The following GHR variants were observed in gnomAD, a reference collection of about 807,000 sequenced individuals.
GHR encodes the protein GH receptor.
GHR carries 35 observed loss-of-function variants against 67.1 expected under a neutral mutation model. The observed-to-expected ratio is 0.52, with a 90% confidence interval of 0.40 to 0.69. The LOEUF (loss-of-function observed/expected upper bound fraction) is 0.69, where lower values mean the gene tolerates loss of function less well. GHR is among the 30% of genes least tolerant of loss of function. The pLI is 0.00. For missense variants in GHR, 792 were observed against 764.6 expected (o/e 1.04, Z -0.42); for synonymous variants, 272 against 269.1 (o/e 1.01, Z -0.10).
intron 1 of GHR, among the ~76,000 whole-genome samples, chr5:42,505,451 CAAA>C (rs1310841219): frequency 7.1e-6 from 1 of 139,964 alleles, no homozygotes; most frequent in African/African-American, 2.6e-5. Flanking sequence ...CATGCATGTT[CAAA>C]AAAAAAAATA....
intron 1 of GHR, among the ~76,000 whole-genome samples, chr5:42,460,218 C>T (rs987678379): frequency 3.9e-5 from 6 of 152,150 alleles, no homozygotes; most frequent in African/African-American, 1.2e-4. Context: ...GTGGACTTCC[C>T]GACCTCCAGA....
At chr5:42,563,722 C>A (rs1265339736) in intron 1 of GHR, among the ~76,000 whole-genome samples, 2 of 150,712 alleles carry the variant, frequency 1.3e-5, no homozygotes, top group South Asian at 2.1e-4. Flanking sequence ...GCAGGAGAAT[C>A]GCTTAAACCT....
At chr5:42,434,878 A>G (rs1331837984) in intron 1 of GHR, among the ~76,000 whole-genome samples, 1 of 152,220 alleles carries the variant, frequency 6.6e-6, no homozygotes, top group Non-Finnish European at 1.5e-5. Flanking sequence ...TGGAAAGGGC[A>G]TGGAGTAGGC....
At chr5:42,574,283 G>A (rs1262764256) in intron 2 of GHR, among the ~76,000 whole-genome samples, 2 of 152,206 alleles carry the variant, frequency 1.3e-5, no homozygotes, top group Non-Finnish European at 2.9e-5. Context: ...GCTAGGAGTA[G>A]AATATAGAAA....
intron 3 of GHR, among the ~76,000 whole-genome samples, chr5:42,680,557 G>A (rs962756500): frequency 6.6e-6 from 1 of 151,392 alleles, no homozygotes; most frequent in African/African-American, 2.4e-5. Flanking sequence ...AGGCTGGGGT[G>A]CAGTGACACG....
rs730880281 is a variant in GHR, at chr5:42,711,206, G to T, written c.619-1G>T. 3 of 1,611,892 alleles carry T rather than the reference G, an allele frequency of 1.9e-6. No individual in the cohort carries two copies. Among genetic ancestry groups the T allele is most frequent in the Non-Finnish European group, 2.5e-6 (3 of 1,178,064 alleles). On this transcript the variant is annotated splice_acceptor_variant, in intron 6 of 9. Transcript: ENST00000230882. LOFTEE classifies it high-confidence loss of function. ...TATGCGTTTATATTTTGTCTTGAAA[G>T]ATGGACCCTATATTGACAACATCAG...
At chr5:42,434,992 C>T (rs1000983975) in intron 1 of GHR, among the ~76,000 whole-genome samples, 2 of 152,116 alleles carry the variant, frequency 1.3e-5, no homozygotes, top group East Asian at 1.9e-4. Flanking sequence ...TGAGCTTTAT[C>T]TGCAAAAAAA....
intron 1 of GHR, chr5:42,469,014 T>A (rs1163867261): frequency 6.4e-6 from 2 of 310,680 alleles, no homozygotes; most frequent in Non-Finnish European, 1.2e-5. Context: ...TCAAAATGAA[T>A]TTTTAAAGTC....
At chr5:42,653,063 G>C (rs1036169177) in intron 3 of GHR, among the ~76,000 whole-genome samples, 3 of 152,110 alleles carry the variant, frequency 2.0e-5, no homozygotes, top group African/African-American at 7.2e-5. Flanking sequence ...TAGGAGAATT[G>C]AGCAAGACCA....
At chr5:42,435,794 C>CT (rs949560141) in intron 1 of GHR, among the ~76,000 whole-genome samples, 18 of 152,156 alleles carry the variant, frequency 1.2e-4, no homozygotes, top group Non-Finnish European at 2.5e-4. Context: ...TGTGCATGTG[C>CT]TTTTTTAATT....
At chr5:42,604,706 C>A (rs1752538447) in intron 2 of GHR, among the ~76,000 whole-genome samples, 1 of 55,894 alleles carries the variant, frequency 1.8e-5, no homozygotes. Context: ...TAATATCACA[C>A]CCCTCTATTT....
intron 1 of GHR, among the ~76,000 whole-genome samples, chr5:42,437,592 G>A (rs1404835481): frequency 2.6e-5 from 4 of 151,274 alleles, no homozygotes; most frequent in Admixed American, 6.6e-5. Flanking sequence ...TGTGTCACCA[G>A]GCTGGAGTGC....
At chr5:42,668,422 A>G (rs1259781104) in intron 3 of GHR, among the ~76,000 whole-genome samples, 1 of 151,938 alleles carries the variant, frequency 6.6e-6, no homozygotes, top group Admixed American at 6.6e-5. Flanking sequence ...CCTGGCCTCA[A>G]CCCACTAGAT....
intron 1 of GHR, among the ~76,000 whole-genome samples, chr5:42,473,770 G>A (rs1302423612): frequency 4.0e-5 from 6 of 151,878 alleles, no homozygotes; most frequent in Non-Finnish European, 7.4e-5. Flanking sequence ...CCAGCTACTC[G>A]GGAGGCTGAG....
chr5:42,520,762 C>T (rs984425812), intron 1 of GHR, among the ~76,000 whole-genome samples: 5 of 152,166 alleles, frequency 3.3e-5, no homozygotes, highest in African/African-American at 1.2e-4. Flanking sequence ...GCTCCAGCCA[C>T]TTCAACTCTC....
At chr5:42,467,046 C>T in intron 1 of GHR, 1 of 1,565,662 alleles carries the variant, frequency 6.4e-7, no homozygotes, top group Non-Finnish European at 8.7e-7. Context: ...ACTCATTACA[C>T]ATGTAAGGTT....
intron 1 of GHR, chr5:42,565,477 C>T: frequency 1.0e-6 from 1 of 984,872 alleles, no homozygotes; most frequent in Non-Finnish European, 1.2e-6. Context: ...CAGCTCAAGG[C>T]CCCATGCTTT....
At chr5:42,426,239 T>C (rs79838172) in intron 1 of GHR, among the ~76,000 whole-genome samples, 2,793 of 152,290 alleles carry the variant, frequency 0.018, 153 homozygotes, top group East Asian at 0.11. Context: ...GCGTGCTTCT[T>C]CCAAGTGCAT....
At chr5:42,678,726 G>A (rs192614882) in intron 3 of GHR, among the ~76,000 whole-genome samples, 1 of 151,992 alleles carries the variant, frequency 6.6e-6, no homozygotes, top group African/African-American at 2.4e-5. Context: ...AACTTTCATC[G>A]AGGCAAGATT....
Sources: gnomAD v4.1 joint callset for allele counts (sites outside exome capture counted in the v4.1 genomes callset) on GRCh38, gnomAD v4.1.1 for gene constraint, MANE v1.5 for transcripts, NCBI Gene and HGNC (gene_info 2026-07-23, HGNC 2026-07-21) for gene names.